LOXL4: variants seen among roughly 807,000 people sequenced by gnomAD.
LOXL4 encodes the protein lysyl oxidase like 4.
In LOXL4, 72 loss-of-function variants were observed where a neutral mutation model predicts 89.1. That is an observed-to-expected ratio of 0.81 (90% CI 0.67 to 0.98). The LOEUF is 0.98. Among genes scored for constraint, LOXL4 ranks in the 50% least tolerant of loss-of-function variants. LOXL4 has a pLI of 0.00. For missense variants in LOXL4, 984 were observed against 1,017.5 expected (o/e 0.97, Z 0.45); for synonymous variants, 355 against 392.1 (o/e 0.91, Z 1.12).
At chr10:98,260,901 C>T (rs1858515785) in intron 4 of LOXL4, 21 bp downstream of exon 4, 1 of 1,587,284 alleles carries the variant, frequency 6.3e-7, no homozygotes, top group Non-Finnish European at 8.6e-7. Flanking sequence ...CCTGTGGGGC[C>T]TACGCCAGCC....
chr10:98,252,152 T>C, intron 12 of LOXL4: 2 of 564,710 alleles, frequency 3.5e-6, no homozygotes, highest in South Asian at 2.1e-5. Context: ...AGAAGAACAA[T>C]GCGTGGGGAA....
At position 98,255,758 on chromosome 10, in the gene LOXL4, TCA is replaced by T; in HGVS notation, c.1429-21_1429-20del. 1 of 1,601,182 alleles carries T rather than the reference TCA, an allele frequency of 6.2e-7. No individual in the cohort carries two copies. Among genetic ancestry groups the T allele is most frequent in the Non-Finnish European group, 8.6e-7 (1 of 1,169,510 alleles). Reference sequence around the variant, plus strand: ...AGGTTTCCTAAGAAGACAGCCAGCGTCACCCAGTCAGCGTGCCTTTGGAGTCA... The same window carrying T: ...AGGTTTCCTAAGAAGACAGCCAGCGTCCCAGTCAGCGTGCCTTTGGAGTCA... On this transcript the variant is annotated intron_variant, in intron 9 of 14. Transcript: ENST00000260702.
In LOXL4 at chr10:98,253,589, G is replaced by A; in HGVS notation, c.1799C>T (p.Thr600Ile). ...GTGCCAAACCCAGCTATCGCGTCCA[G>A]TCTTTGGACGAAAGTCAGTCCGGCC... ...NLGRTDFRPKTGRDSWVWHQC... is the reference protein window; with the variant it reads ...NLGRTDFRPKIGRDSWVWHQC... The change falls in exon 11 of 15, where the codon ACT becomes ATT. Residue 600 changes from threonine (T) to isoleucine (I), a missense_variant. Transcript: ENST00000260702. 6.2e-7 allele frequency: 1 copy of A among 1,614,276 alleles called. No homozygotes were observed. The highest frequency in any genetic ancestry group is 8.5e-7 in the Non-Finnish European group (1 of 1,180,056).
rs1403629744 is a variant in LOXL4, at chr10:98,257,636, A to G, written c.1260+14T>C. ...CGGCCCCCAGCCTGAGGCCATGCTC[A>G]GACCCAAACTCACCTGATTCTGAAA... On this transcript the variant is annotated intron_variant, in intron 8 of 14. Transcript: ENST00000260702. 2.5e-6 allele frequency: 4 copies of G among 1,610,934 alleles called. No homozygotes were observed.
intron 11 of LOXL4, 65 bp downstream of exon 11, chr10:98,253,488 A>C: frequency 6.2e-7 from 1 of 1,606,692 alleles, no homozygotes; most frequent in Non-Finnish European, 8.5e-7. Context: ...GAAGGGCCAA[A>C]CTGCTCCCTG....
intron 9 of LOXL4, chr10:98,256,041 C>G (rs886804417): frequency 3.7e-5 from 11 of 297,190 alleles, no homozygotes; most frequent in Non-Finnish European, 6.9e-5. Context: ...GCCCCTCTCC[C>G]TGGGGGCTGT....
chr10:98,256,652 C>T (rs939727918), intron 9 of LOXL4, 128 bp downstream of exon 9: 11 of 1,027,022 alleles, frequency 1.1e-5, no homozygotes, highest in South Asian at 2.8e-5. Flanking sequence ...AGCATCATGT[C>T]GGCTCATAGT....
intron 1 of LOXL4, among the ~76,000 whole-genome samples, chr10:98,264,591 G>A (rs545109518): frequency 2.2e-4 from 34 of 152,024 alleles, no homozygotes; most frequent in Non-Finnish European, 4.3e-4. Flanking sequence ...GTAATCAGAC[G>A]TTCTTTGGGT....
intron 10 of LOXL4, among the ~76,000 whole-genome samples, chr10:98,255,347 C>T (rs1389174125): frequency 6.6e-6 from 1 of 152,222 alleles, no homozygotes; most frequent in Non-Finnish European, 1.5e-5. Context: ...GTTCCGTGTC[C>T]TTGTGCTTCC....
chr10:98,258,049 C>A lies in LOXL4; in HGVS notation c.1037G>T (p.Ser346Ile), dbSNP rs1405499315. The change falls in exon 7 of 15, where the codon AGT (serine) becomes ATT (isoleucine). Residue 346 changes from serine to isoleucine, a missense_variant. Ser to Ile is a moderately radical substitution (Grantham distance 142). Transcript: ENST00000260702. Reference protein sequence around the residue: ...CDHRWNLISASVVCRQLGFGS... With the variant: ...CDHRWNLISAIVVCRQLGFGS... ...AAAGCCCAGCTGACGACACACGACA[C>A]TGGCAGAGATGAGGTTCCACCTGTG... 1 of 1,613,896 alleles carries A rather than the reference C, an allele frequency of 6.2e-7. No individual in the cohort carries two copies. The highest frequency in any genetic ancestry group is 1.1e-5 in the South Asian group (1 of 91,088).
chr10:98,254,246 T>C (rs1258708003), intron 10 of LOXL4, among the ~76,000 whole-genome samples: 1 of 152,260 alleles, frequency 6.6e-6, no homozygotes, highest in Non-Finnish European at 1.5e-5. Flanking sequence ...AAAGTGCCTT[T>C]ATGTAGCTTA....
rs974728721 is a variant in LOXL4, at chr10:98,248,723, G to A, written c.*198C>T. Reference sequence around the variant, plus strand: ...TATTCCATAGGCCACAGGCCCTTAGGGGCAGGCCCAGAGCCATCCTGAGGG... The same window carrying A: ...TATTCCATAGGCCACAGGCCCTTAGAGGCAGGCCCAGAGCCATCCTGAGGG... On this transcript the variant is annotated 3_prime_UTR_variant, in exon 15 of 15. Coordinates refer to ENST00000260702, the MANE Select transcript of LOXL4 (RefSeq NM_032211.7). 6.9e-6 allele frequency: 4 copies of A among 577,018 alleles called. No individual in the cohort carries two copies. The highest frequency in any genetic ancestry group is 6.3e-5 in the Admixed American group (2 of 31,810). The allele number at this position is 577,018 out of a possible 1,614,324, so 35.7% of individuals were successfully genotyped here. A position where few individuals can be genotyped will look rare whatever the true frequency, so the allele number is the denominator to read the frequency against.
chr10:98,258,480 A>ATGAGG, intron 6 of LOXL4, among the ~76,000 whole-genome samples: 1 of 151,754 alleles, frequency 6.6e-6, no homozygotes, highest in South Asian at 2.1e-4. Context: ...GTACCACCTC[A>ATGAGG]CGAGGCTATC....
intron 12 of LOXL4, 143 bp from the exon 13 acceptor site, chr10:98,251,845 C>T (rs1337476995): frequency 2.1e-6 from 2 of 938,468 alleles, no homozygotes; most frequent in Non-Finnish European, 3.1e-6. Flanking sequence ...GAATCCAGCA[C>T]CATAGCAAAC....
At chr10:98,263,395 A>T (rs1372069926) in intron 1 of LOXL4, among the ~76,000 whole-genome samples, 1 of 152,236 alleles carries the variant, frequency 6.6e-6, no homozygotes, top group Non-Finnish European at 1.5e-5. Context: ...AAGTCCTAGC[A>T]TTGGTGAGTA....
At position 98,259,188 on chromosome 10, in the gene LOXL4, G is replaced by A; in HGVS notation, c.742C>T (p.Gln248Ter). ...LTNKNSFWIHQVTCLGTEPHM... is the reference protein window; with the variant it reads ...LTNKNSFWIH Reference sequence around the variant, plus strand: ...GGCTCTGTCCCCAGGCAGGTGACCTGGTGGATCCAGAAGGAGTTCTTATTC... The same window carrying A: ...GGCTCTGTCCCCAGGCAGGTGACCTAGTGGATCCAGAAGGAGTTCTTATTC... Residue 248 changes from glutamine to a stop codon, truncating the protein, a stop_gained, in exon 6 of 15, where the codon CAG becomes TAG. Transcript: ENST00000260702. LOFTEE classifies it high-confidence loss of function. 1 of 1,612,078 alleles carries A rather than the reference G, an allele frequency of 6.2e-7. No individual in the cohort carries two copies. Among genetic ancestry groups the A allele is most frequent in the South Asian group, 1.1e-5 (1 of 90,934 alleles).
chr10:98,256,341 C>T (rs1462337222), intron 9 of LOXL4: 1 of 218,658 alleles, frequency 4.6e-6, no homozygotes, highest in African/African-American at 2.4e-5. Flanking sequence ...GTTTTCCAAA[C>T]AGCAAAGGAA....
chr10:98,256,804 C>A lies in LOXL4; in HGVS notation c.1404G>T (p.Leu468=). ...CCTTGTAGGCATGGATGGCAAAACC[C>A]AGGCCGAGCTGTCGGCAGGCCACCA... The part of the protein sequence containing the change: ...EAMVACRQLG[L]GFAIHAYKET... Residue 468 remains leucine (L), a synonymous_variant, in exon 9 of 15, where the codon CTG becomes CTT. Coordinates refer to ENST00000260702, the MANE Select transcript of LOXL4 (RefSeq NM_032211.7). The A allele has an allele frequency of 6.2e-7, 1 of 1,614,174 alleles. No individual in the cohort carries two copies. The highest frequency in any genetic ancestry group is 8.5e-7 in the Non-Finnish European group (1 of 1,180,054).
At chr10:98,257,578 G>C in intron 8 of LOXL4, 72 bp downstream of exon 8, 1 of 1,528,864 alleles carries the variant, frequency 6.5e-7, no homozygotes, top group Non-Finnish European at 8.8e-7. Flanking sequence ...CCGCTAGCTC[G>C]ATGTGGTGTC....
Sources: gnomAD v4.1 joint callset for allele counts (sites outside exome capture counted in the v4.1 genomes callset) on GRCh38, gnomAD v4.1.1 for gene constraint, MANE v1.5 for transcripts, NCBI Gene and HGNC (gene_info 2026-07-23, HGNC 2026-07-21) for gene names.